PNPLA5: variants seen among roughly 807,000 people sequenced by gnomAD.
PNPLA5 encodes patatin-like phospholipase domain-containing protein 5.
A neutral mutation model predicts 49.1 loss-of-function variants in PNPLA5; 44 were observed. That is an observed-to-expected ratio of 0.90 (90% CI 0.70 to 1.15). PNPLA5 has a LOEUF of 1.15. Ranked by LOEUF, PNPLA5 falls within the 50% of genes most tolerant of loss-of-function variation. The pLI is 0.00. For missense variants in PNPLA5, 603 were observed against 564.0 expected (o/e 1.07, Z -0.70); for synonymous variants, 243 against 244.4 (o/e 0.99, Z 0.06).
At chr22:43,881,107 A>G in intron 8 of PNPLA5, 1 of 599,404 alleles carries the variant, frequency 1.7e-6, no homozygotes, top group Non-Finnish European at 2.1e-6. Flanking sequence ...TGCTAAACAG[A>G]TAACTGTCGA....
intron 7 of PNPLA5, among the ~76,000 whole-genome samples, chr22:43,882,099 C>T (rs900656761): frequency 5.9e-5 from 9 of 152,166 alleles, no homozygotes; most frequent in Non-Finnish European, 8.8e-5. Context: ...TCCTCCTTAT[C>T]GCCGTCCATT....
At chr22:43,886,166 A>T in intron 6 of PNPLA5, 137 bp downstream of exon 6, 1 of 940,336 alleles carries the variant, frequency 1.1e-6, no homozygotes, top group Non-Finnish European at 1.5e-6. Context: ...ATAGTACCAC[A>T]CTTGGCATTT....
chr22:43,886,548 G>A, intron 5 of PNPLA5, 60 bp from the exon 6 acceptor site: 1 of 1,547,964 alleles, frequency 6.5e-7, no homozygotes. Flanking sequence ...GGCGCCCCAT[G>A]CTGCCCACAT....
intron 5 of PNPLA5, among the ~76,000 whole-genome samples, chr22:43,887,287 G>A (rs2049675194): frequency 6.6e-6 from 1 of 152,036 alleles, no homozygotes; most frequent in Non-Finnish European, 1.5e-5. Flanking sequence ...CAACCCCCAG[G>A]CTGAGTCCAA....
intron 7 of PNPLA5, among the ~76,000 whole-genome samples, chr22:43,883,181 T>A (rs761863484): frequency 6.6e-6 from 1 of 152,096 alleles, no homozygotes; most frequent in Non-Finnish European, 1.5e-5. Flanking sequence ...AGCCTAAGAG[T>A]CATCTCCTCC....
Position 43,891,169 on chromosome 22 carries a change from C to G in PNPLA5, c.319G>C (p.Asp107His). The change falls in exon 2 of 9, where the codon GAC becomes CAC. Residue 107 changes from aspartate (D) to histidine (H), a missense_variant. Physicochemically the swap from Asp to His is moderately conservative, Grantham distance 81. Coordinates refer to ENST00000216177, the MANE Select transcript of PNPLA5 (RefSeq NM_138814.4). ...CGCTGGGAGGCCAGGACGTGGGCGT[C>G]GGGGGGCAGAGCATCCTGCAGCTGC... ...KQQLQDALPP[D>H]AHVLASQRLG... 5 of 1,598,622 alleles carry G rather than the reference C, an allele frequency of 3.1e-6. No homozygotes were observed. Among genetic ancestry groups the G allele is most frequent in the Non-Finnish European group, 4.3e-6 (5 of 1,170,350 alleles).
intron 5 of PNPLA5, 159 bp from the exon 6 acceptor site, chr22:43,886,647 CT>C (rs1829704841): frequency 1.0e-6 from 1 of 978,382 alleles, no homozygotes; most frequent in East Asian, 1.1e-4. Context: ...CTGCCTTCCC[CT>C]GGCCCTGCTC....
intron 6 of PNPLA5, among the ~76,000 whole-genome samples, chr22:43,884,941 C>T (rs919830558): frequency 2.0e-5 from 3 of 152,182 alleles, no homozygotes; most frequent in South Asian, 2.1e-4. Context: ...CCTCTGGAGA[C>T]GGAGGATTAC....
In PNPLA5 at chr22:43,886,460, C is replaced by G. The variant is rs764677683; in HGVS notation, c.792G>C (p.Thr264=). 3.7e-6 allele frequency: 6 copies of G among 1,613,768 alleles called. No individual in the cohort carries two copies. The highest frequency in any genetic ancestry group is 5.1e-6 in the Non-Finnish European group (6 of 1,179,862). Reference sequence around the variant, plus strand: ...GGGCTGGGGGTTCCTTAGACACCAGCGTCCATAGCACTGGTTCCTTGGTGA... The same window carrying G: ...GGGCTGGGGGTTCCTTAGACACCAGGGTCCATAGCACTGGTTCCTTGGTGA... ...RGLTKEPVLW[T]LVSKEPPAPA... The change falls in exon 6 of 9, where the codon ACG becomes ACC. Residue 264 remains threonine (T), a synonymous_variant. Coordinates refer to ENST00000216177, the MANE Select transcript of PNPLA5 (RefSeq NM_138814.4).
intron 7 of PNPLA5, among the ~76,000 whole-genome samples, chr22:43,883,953 G>A (rs1483910014): frequency 2.6e-5 from 4 of 152,194 alleles, no homozygotes; most frequent in Non-Finnish European, 5.9e-5. Flanking sequence ...CGGAGACAGT[G>A]TAGGGCCCAG....
intron 7 of PNPLA5, among the ~76,000 whole-genome samples, chr22:43,882,142 T>G (rs2049616933): frequency 6.6e-6 from 1 of 151,330 alleles, no homozygotes. Flanking sequence ...GCCCCTGCCC[T>G]CCCTACCCCA....
In PNPLA5 at chr22:43,889,785, C is replaced by T; in HGVS notation, c.492+14G>A. ...CTGCCCAGAGCACAGAACGGGGTTC[C>T]AGAGTGCACTCACCTCCCCTCTGAA... On this transcript the variant is annotated intron_variant, in intron 3 of 8. Coordinates refer to ENST00000216177, the MANE Select transcript of PNPLA5 (RefSeq NM_138814.4). 1 of 1,611,012 alleles carries T rather than the reference C, an allele frequency of 6.2e-7. No individual in the cohort carries two copies. The highest frequency in any genetic ancestry group is 8.5e-7 in the Non-Finnish European group (1 of 1,178,970).
intron 5 of PNPLA5, among the ~76,000 whole-genome samples, chr22:43,886,778 C>G (rs1031952702): frequency 3.3e-5 from 5 of 152,316 alleles, no homozygotes; most frequent in African/African-American, 1.2e-4. Flanking sequence ...CCCTTTGCCT[C>G]AGTTTCCCTC....
chr22:43,891,398 C>T, intron 1 of PNPLA5, 104 bp from the exon 2 acceptor site: 1 of 1,429,010 alleles, frequency 7.0e-7, no homozygotes. Context: ...GGGTCCTCCC[C>T]ACTCCAGCTC....
intron 7 of PNPLA5, among the ~76,000 whole-genome samples, chr22:43,883,569 G>A (rs1164921465): frequency 6.6e-6 from 1 of 152,210 alleles, no homozygotes; most frequent in Non-Finnish European, 1.5e-5. Context: ...CAGCACTTTG[G>A]GAGGGCGAGG....
chr22:43,882,889 C>T (rs1316051649), intron 7 of PNPLA5, among the ~76,000 whole-genome samples: 2 of 152,158 alleles, frequency 1.3e-5, no homozygotes, highest in Non-Finnish European at 2.9e-5. Context: ...CAGGTCCCCC[C>T]ATGACACCTC....
At position 43,891,063 on chromosome 22, in the gene PNPLA5, T is replaced by A. The variant is rs149784221; in HGVS notation, c.425A>T (p.Gln142Leu). Residue 142 changes from glutamine to leucine, a missense_variant and splice_region_variant, in exon 2 of 9, where the codon CAG becomes CTG. Transcript: ENST00000216177. The stretch of plus-strand genomic sequence containing the variant: ...CCCTGGGCACCCCCCGCCCCACACC[T>A]GGATGAGCTCATCGCAGGTGGCGAA... Reference protein sequence around the residue: ...TDFATCDELIQALVCTLYFPF... With the variant: ...TDFATCDELILALVCTLYFPF... 6 of 1,606,884 alleles carry A rather than the reference T, an allele frequency of 3.7e-6. No individual in the cohort carries two copies. In the African/African-American group the frequency reaches 6.7e-5, roughly 18 times the overall value.
In PNPLA5 at chr22:43,891,845, C is replaced by T. The variant is rs1485755420; in HGVS notation, c.36G>A (p.Leu12=). The stretch of plus-strand genomic sequence containing the variant: ...CCAGGTAGCCGGCGCCGGAGAAGGA[C>T]AGGTTCCATCTGCCCTCCTCCTCTA... ...GFLEEEGRWN[L]SFSGAGYLGA... The change falls in exon 1 of 9, where the codon CTG becomes CTA. Residue 12 remains leucine (L), a synonymous_variant. Coordinates refer to ENST00000216177, the MANE Select transcript of PNPLA5 (RefSeq NM_138814.4). 7 of 1,522,148 alleles carry T rather than the reference C, an allele frequency of 4.6e-6. No individual in the cohort carries two copies. The highest frequency in any genetic ancestry group is 5.3e-6 in the Non-Finnish European group (6 of 1,139,930). The allele number at this position is 1,522,148 out of a possible 1,614,324, so 94.3% of individuals were successfully genotyped here.
chr22:43,880,213 C>A lies in PNPLA5; in HGVS notation c.*582G>T. On this transcript the variant is annotated 3_prime_UTR_variant, in exon 9 of 9. Transcript: ENST00000216177. The stretch of plus-strand genomic sequence containing the variant: ...CAACAGAAGCACCCACAGCTGGGAT[C>A]CTGAAAAGACCTGGACCCCCCTCTC... 1 of 392,402 alleles carries A rather than the reference C, an allele frequency of 2.5e-6. No individual in the cohort carries two copies. The highest frequency in any genetic ancestry group is 4.5e-6 in the Non-Finnish European group (1 of 222,642). 24.3% of individuals were successfully genotyped at this position (392,402 alleles called of 1,614,324 possible).
Sources: gnomAD v4.1 joint callset for allele counts (sites outside exome capture counted in the v4.1 genomes callset) on GRCh38, gnomAD v4.1.1 for gene constraint, MANE v1.5 for transcripts, NCBI Gene and HGNC (gene_info 2026-07-23, HGNC 2026-07-21) for gene names.